Variants in ACSS2 observed in about 807,000 individuals in gnomAD.
ACSS2 encodes acetyl-coenzyme A synthetase, cytoplasmic.
In ACSS2, 58 loss-of-function variants were observed where a neutral mutation model predicts 90.6. The ratio of observed to expected loss-of-function variants is 0.64; its 90% CI spans 0.52 to 0.80. The LOEUF is 0.80. Ranked by LOEUF, ACSS2 falls within the 30% of genes least tolerant of loss-of-function variation. The pLI is 0.00. For synonymous variants in ACSS2, 300 were observed against 330.9 expected (o/e 0.91, Z 1.01); for missense variants, 759 against 912.0 (o/e 0.83, Z 2.16).
At chr20:34,901,258 CTCTTT>C (rs1014048759) in intron 2 of ACSS2, among the ~76,000 whole-genome samples, 6 of 152,156 alleles carry the variant, frequency 3.9e-5, no homozygotes, top group Non-Finnish European at 8.8e-5. Context: ...CTTTCTTTTT[CTCTTT>C]TCTTTTCTTT....
chr20:34,883,690 A>C (rs1383314332), intron 2 of ACSS2, among the ~76,000 whole-genome samples: 1 of 152,208 alleles, frequency 6.6e-6, no homozygotes, highest in Non-Finnish European at 1.5e-5. Context: ...GTAGTGAATA[A>C]GGTCATAGAG....
chr20:34,880,654 T>C (rs2080050513), intron 1 of ACSS2, among the ~76,000 whole-genome samples: 1 of 152,210 alleles, frequency 6.6e-6, no homozygotes, highest in Non-Finnish European at 1.5e-5. Flanking sequence ...GCCATTATTG[T>C]GTAAGAGTAT....
intron 1 of ACSS2, among the ~76,000 whole-genome samples, chr20:34,879,697 A>G (rs1049642039): frequency 1.3e-5 from 2 of 152,162 alleles, no homozygotes; most frequent in African/African-American, 4.8e-5. Context: ...GTGCCACTGC[A>G]CTCCAGCCTG....
intron 2 of ACSS2, among the ~76,000 whole-genome samples, chr20:34,896,409 C>T (rs965983861): frequency 3.9e-5 from 6 of 152,200 alleles, no homozygotes; most frequent in Non-Finnish European, 7.3e-5. Flanking sequence ...TCCACAAATT[C>T]CACTCTTGTC....
At chr20:34,894,522 G>A (rs546529135) in intron 2 of ACSS2, among the ~76,000 whole-genome samples, 13 of 151,956 alleles carry the variant, frequency 8.6e-5, no homozygotes, top group African/African-American at 3.1e-4. Context: ...AAAATTAGCT[G>A]GGTATGGTCA....
chr20:34,906,629 C>T (rs1198978942), intron 2 of ACSS2, among the ~76,000 whole-genome samples: 1 of 151,902 alleles, frequency 6.6e-6, no homozygotes, highest in South Asian at 2.1e-4. Context: ...CTTGTGCACT[C>T]TCTATGTACT....
chr20:34,923,008 A>G (rs1569000534), intron 13 of ACSS2: 1 of 217,670 alleles, frequency 4.6e-6, no homozygotes, highest in East Asian at 9.0e-5. Flanking sequence ...CAAATTTACT[A>G]AACACTTATC....
chr20:34,914,534 AT>A, intron 7 of ACSS2, 97 bp downstream of exon 7: 1 of 1,078,030 alleles, frequency 9.3e-7, no homozygotes, highest in Non-Finnish European at 1.3e-6. Flanking sequence ...GCTCATCAGT[AT>A]ACTGAGGATC....
chr20:34,925,846 C>A, intron 15 of ACSS2, 80 bp downstream of exon 15: 1 of 1,501,088 alleles, frequency 6.7e-7, no homozygotes, highest in Non-Finnish European at 9.1e-7. Flanking sequence ...CGCAAGAGCC[C>A]AGGAGTGTCC....
At chr20:34,881,387 A>C (rs956346576) in intron 1 of ACSS2, among the ~76,000 whole-genome samples, 28 of 152,002 alleles carry the variant, frequency 1.8e-4, no homozygotes, top group African/African-American at 6.5e-4. Flanking sequence ...CTCTGCATTC[A>C]TATGTTTTAC....
At chr20:34,907,318 A>G (rs1361894381) in intron 2 of ACSS2, among the ~76,000 whole-genome samples, 1 of 152,096 alleles carries the variant, frequency 6.6e-6, no homozygotes, top group Non-Finnish European at 1.5e-5. Flanking sequence ...GGGCTTCGCC[A>G]TGTTGGCCAG....
intron 2 of ACSS2, among the ~76,000 whole-genome samples, chr20:34,889,165 C>T (rs531398856): frequency 1.1e-4 from 17 of 152,110 alleles, no homozygotes; most frequent in African/African-American, 4.1e-4. Flanking sequence ...CTCTGTTGCC[C>T]AGGCTGGAGT....
intron 1 of ACSS2, among the ~76,000 whole-genome samples, chr20:34,881,829 G>C (rs1040253383): frequency 2.6e-5 from 4 of 152,156 alleles, no homozygotes; most frequent in African/African-American, 9.7e-5. Context: ...AGGATTAAAT[G>C]AGATAATACA....
intron 14 of ACSS2, among the ~76,000 whole-genome samples, chr20:34,923,986 C>T (rs376804515): frequency 7.2e-5 from 11 of 152,062 alleles, no homozygotes; most frequent in Admixed American, 2.0e-4. Flanking sequence ...CTGGTTTCTA[C>T]GCAGAGCTAC....
intron 7 of ACSS2, among the ~76,000 whole-genome samples, chr20:34,917,734 G>GT (rs551249248): frequency 5.6e-4 from 85 of 151,720 alleles, no homozygotes; most frequent in African/African-American, 1.7e-3. Context: ...GTTTTTGTGG[G>GT]TTTTTTTTGT....
At chr20:34,892,274 C>T (rs2080353317) in intron 2 of ACSS2, among the ~76,000 whole-genome samples, 1 of 152,196 alleles carries the variant, frequency 6.6e-6, no homozygotes, top group African/African-American at 2.4e-5. Flanking sequence ...TAACAATTAA[C>T]TCAGAAGGCG....
At chr20:34,882,447 C>T (rs887916704) in intron 1 of ACSS2, among the ~76,000 whole-genome samples, 2 of 151,974 alleles carry the variant, frequency 1.3e-5, no homozygotes, top group South Asian at 2.1e-4. Context: ...CATAGTGAAA[C>T]CCCGTCTCTA....
Position 34,920,561 on chromosome 20 carries a change from GC to G in ACSS2, c.996del (p.Tyr333ThrfsTer5). 1 of 1,614,084 alleles carries G rather than the reference GC, an allele frequency of 6.2e-7. No homozygotes were observed. Among genetic ancestry groups the G allele is most frequent in the South Asian group, 1.1e-5 (1 of 91,084 alleles). On this transcript the variant is annotated frameshift_variant, in exon 9 of 18. Transcript: ENST00000360596. LOFTEE classifies it high-confidence loss of function. ...CAGGGTGTGGTTCACACAGTTGGGGGCTACATGCTCTATGTAGCCACAACCT... is the reference window on the plus strand; with the variant it reads ...CAGGGTGTGGTTCACACAGTTGGGGGTACATGCTCTATGTAGCCACAACCT... ...KPKGVVHTVG[G>X]YMLYVATTFK...
intron 7 of ACSS2, among the ~76,000 whole-genome samples, chr20:34,917,777 G>T (rs998867442): frequency 6.6e-6 from 1 of 151,982 alleles, no homozygotes; most frequent in East Asian, 1.9e-4. Flanking sequence ...TTTTGAGATG[G>T]AGTCTCACTC....
Sources: gnomAD v4.1 joint callset for allele counts (sites outside exome capture counted in the v4.1 genomes callset) on GRCh38, gnomAD v4.1.1 for gene constraint, MANE v1.5 for transcripts, NCBI Gene and HGNC (gene_info 2026-07-23, HGNC 2026-07-21) for gene names.